NRXN3: variants seen among roughly 807,000 people sequenced by gnomAD.
The protein encoded by NRXN3 is neurexin 3.
A neutral mutation model predicts 137.6 loss-of-function variants in NRXN3; 32 were observed. The observed-to-expected ratio is 0.23, with a 90% CI of 0.18 to 0.31. The LOEUF (loss-of-function observed/expected upper bound fraction) is 0.31. Ranked by LOEUF, NRXN3 falls within the 10% of genes least tolerant of loss-of-function variation. NRXN3 has a pLI of 1.00. For missense variants in NRXN3, 1,574 were observed against 2,062.5 expected, an observed-to-expected ratio of 0.76 and a Z score of 4.59; for synonymous variants, 798 against 784.5, an observed-to-expected ratio of 1.02 and a Z score of -0.29.
intron 10 of NRXN3, among the ~76,000 whole-genome samples, chr14:78,875,403 G>T (rs2099111695): frequency 6.6e-6 from 1 of 152,134 alleles, no homozygotes; most frequent in African/African-American, 2.4e-5. Context: ...AGTGGCCTTT[G>T]GGATGTAGGC....
intron 19 of NRXN3, among the ~76,000 whole-genome samples, chr14:79,803,980 T>A (rs2099193201): frequency 6.9e-6 from 1 of 145,094 alleles, no homozygotes; most frequent in Admixed American, 6.9e-5. Flanking sequence ...TGTATGTATG[T>A]GTATATATAT....
chr14:79,250,543 G>A (rs984238937), intron 15 of NRXN3, among the ~76,000 whole-genome samples: 1 of 152,122 alleles, frequency 6.6e-6, no homozygotes, highest in East Asian at 1.9e-4. Context: ...TTACAGTAAG[G>A]AAGCCAAGAC....
Position 78,771,416 on chromosome 14 carries a change from A to C in NRXN3, c.2045-32204A>C, listed in dbSNP as rs529339215. On this transcript the variant is annotated intron_variant, in intron 8 of 20. Transcript: ENST00000335750. ...CTGTATTATGAGGGCCGCAAAGCCT[A>C]GCTATGGGGCTAAAACAAGCACACA... 1.6e-4 allele frequency among the ~76,000 whole-genome samples: 25 copies of C among 152,356 alleles called. 1 individual carries two copies. Among genetic ancestry groups the C allele is most frequent in the African/African-American group, 6.0e-4 (25 of 41,588 alleles).
chr14:78,855,944 C>T (rs1005057638), intron 10 of NRXN3, among the ~76,000 whole-genome samples: 9 of 152,168 alleles, frequency 5.9e-5, no homozygotes, highest in Admixed American at 3.3e-4. Context: ...AGTCATGTTT[C>T]AATCACTAAG....
chr14:78,414,668 T>C (rs1185785689), intron 4 of NRXN3, among the ~76,000 whole-genome samples: 4 of 152,172 alleles, frequency 2.6e-5, no homozygotes, highest in African/African-American at 7.2e-5. Context: ...TAGGATCCAT[T>C]TGATGGTCCA....
intron 4 of NRXN3, among the ~76,000 whole-genome samples, chr14:78,606,055 A>G (rs2097249696): frequency 6.6e-6 from 1 of 152,064 alleles, no homozygotes; most frequent in Non-Finnish European, 1.5e-5. Flanking sequence ...GGAGACTAAG[A>G]AGAGAGAGGA....
At chr14:78,677,023 A>G (rs1238722765) in intron 6 of NRXN3, among the ~76,000 whole-genome samples, 1 of 152,200 alleles carries the variant, frequency 6.6e-6, no homozygotes, top group Admixed American at 6.6e-5. Context: ...TTCATCGACA[A>G]TGCACTTAGT....
At chr14:79,300,910 T>C (rs2085034304) in intron 15 of NRXN3, among the ~76,000 whole-genome samples, 1 of 150,046 alleles carries the variant, frequency 6.7e-6, no homozygotes, top group East Asian at 1.9e-4. Context: ...AAATAAAGAC[T>C]TTGCCAGAGC....
chr14:78,576,596 T>C (rs2096938240), intron 4 of NRXN3, among the ~76,000 whole-genome samples: 1 of 152,128 alleles, frequency 6.6e-6, no homozygotes, highest in South Asian at 2.1e-4. Context: ...CCCTAGCCTA[T>C]TCTCATGTCA....
At chr14:78,894,830 C>G (rs1190804469) in intron 10 of NRXN3, among the ~76,000 whole-genome samples, 7 of 151,498 alleles carry the variant, frequency 4.6e-5, no homozygotes, top group Non-Finnish European at 8.8e-5. Flanking sequence ...TTCTTGTACT[C>G]CCATCAAAGT....
chr14:78,246,296 C>G lies in NRXN3; in HGVS notation c.709+2494C>G, dbSNP rs185037306. Among the ~76,000 whole-genome samples, 8 of 152,268 alleles carry G rather than the reference C, an allele frequency of 5.3e-5. No homozygotes were observed. The East Asian group carries it at 1.5e-3, about 29-fold the overall frequency. ...TTTTTATATTTTGTGTGTGTTCCAG[C>G]TCCCAGTGGAATTTCTTCAGAGCAG... On this transcript the variant is annotated intron_variant, in intron 2 of 20. Coordinates refer to ENST00000335750, the MANE Select transcript of NRXN3 (RefSeq NM_001330195.2).
chr14:78,788,250 T>A (rs1174327887), intron 8 of NRXN3, among the ~76,000 whole-genome samples: 1 of 114,900 alleles, frequency 8.7e-6, no homozygotes, highest in African/African-American at 3.3e-5. Context: ...CATATGTACA[T>A]GCATATATAT....
At chr14:79,401,850 GAA>G (rs201841768) in intron 15 of NRXN3, among the ~76,000 whole-genome samples, 11 of 130,354 alleles carry the variant, frequency 8.4e-5, no homozygotes, top group South Asian at 5.0e-4. Flanking sequence ...TCCTGGTAAT[GAA>G]AAAAAAAAAA....
chr14:79,663,991 C>T, intron 17 of NRXN3, 42 bp downstream of exon 17: 1 of 1,591,140 alleles, frequency 6.3e-7, no homozygotes, highest in Non-Finnish European at 8.6e-7. Flanking sequence ...TTTTGACTCT[C>T]CCATTCTCAC....
intron 15 of NRXN3, among the ~76,000 whole-genome samples, chr14:79,150,911 A>C (rs2059742709): frequency 6.6e-6 from 1 of 152,082 alleles, no homozygotes; most frequent in Admixed American, 6.6e-5. Context: ...CCAAAGGTCC[A>C]GTGCAGCAGT....
chr14:78,438,418 G>A (rs2094140341), intron 4 of NRXN3, among the ~76,000 whole-genome samples: 1 of 152,132 alleles, frequency 6.6e-6, no homozygotes, highest in African/African-American at 2.4e-5. Flanking sequence ...AAACTAAGTG[G>A]CAAGGCTCAG....
Position 78,243,174 on chromosome 14 carries a change from C to T in NRXN3, c.81C>T (p.Gly27=). The change falls in exon 2 of 21, where the codon GGC becomes GGT. Residue 27 remains glycine (G), a synonymous_variant. Transcript: ENST00000335750. The surrounding 1 kb of genome is among the most constrained non-coding windows in gnomAD (Gnocchi z 4.2). ...GGTCCCTGCTGGGGCTCTGCCTGGGCCTTGAGTTCATGGGCCTCCCCAACC... is the reference window on the plus strand; with the variant it reads ...GGTCCCTGCTGGGGCTCTGCCTGGGTCTTGAGTTCATGGGCCTCCCCAACC... The part of the protein sequence containing the change: ...LLGSLLGLCL[G]LEFMGLPNQW... The T allele has an allele frequency of 6.5e-7, 1 of 1,544,870 alleles. No individual in the cohort carries two copies. Among genetic ancestry groups the T allele is most frequent in the Non-Finnish European group, 8.7e-7 (1 of 1,152,000 alleles).
At chr14:78,901,224 A>ATT (rs35536492) in intron 10 of NRXN3, among the ~76,000 whole-genome samples, 2 of 150,772 alleles carry the variant, frequency 1.3e-5, no homozygotes, top group African/African-American at 4.9e-5. Flanking sequence ...TTCTTGAACC[A>ATT]TTTTTTTTTC....
chr14:79,086,834 G>C (rs2202174), intron 15 of NRXN3, among the ~76,000 whole-genome samples: 139,937 of 152,226 alleles, frequency 0.92, 65,208 homozygotes, highest in Non-Finnish European at 0.99. Context: ...GTTCTTCATG[G>C]AGATGACAGG....
Sources: allele counts gnomAD v4.1 joint callset (sites outside exome capture counted in the v4.1 genomes callset), GRCh38; gene constraint gnomAD v4.1.1; non-coding constraint Gnocchi (gnomAD v3.1); transcripts MANE v1.5; gene names NCBI Gene and HGNC (gene_info 2026-07-23, HGNC 2026-07-21).